DYDC1: variants seen among roughly 807,000 people sequenced by gnomAD.
DYDC1 encodes DPY30 domain containing 1.
DYDC1 carries 21 observed loss-of-function variants against 27.9 expected under a neutral mutation model. The observed-to-expected ratio is 0.75, with a 90% CI of 0.53 to 1.08. DYDC1 has a LOEUF of 1.08. Among genes scored for constraint, DYDC1 ranks in the 50% least tolerant of loss-of-function variants. DYDC1 has a pLI of 0.00. For synonymous variants in DYDC1, 67 were observed against 65.8 expected (o/e 1.02, Z -0.09); for missense variants, 202 against 205.9 (o/e 0.98, Z 0.12).
chr10:80,337,379 G>A, intron 6 of DYDC1: 1 of 985,442 alleles, frequency 1.0e-6, no homozygotes, highest in Non-Finnish European at 1.2e-6. Flanking sequence ...AGTCTGTGCA[G>A]CTCCATTTTC....
rs1183352355 is a variant in DYDC1, at chr10:80,342,658, C to T, written c.250-297G>A. Among the ~76,000 whole-genome samples, 5 of 152,158 alleles carry T rather than the reference C, an allele frequency of 3.3e-5. No individual in the cohort carries two copies. The East Asian group carries it at 9.6e-4, about 29-fold the overall frequency. On this transcript the variant is annotated intron_variant, in intron 3 of 6. Transcript: ENST00000372202. ...TAAGCATAGATGGGTCTTCAAATAG[C>T]CACACACTGGTTGTGGAAGAGTGGG...
intron 3 of DYDC1, among the ~76,000 whole-genome samples, chr10:80,351,215 G>A (rs998814918): frequency 6.6e-6 from 1 of 152,042 alleles, no homozygotes; most frequent in Non-Finnish European, 1.5e-5. Flanking sequence ...TACGCAGAAG[G>A]TGCTTCCACC....
At chr10:80,349,172 TGA>T (rs1426237104) in intron 3 of DYDC1, among the ~76,000 whole-genome samples, 2 of 152,354 alleles carry the variant, frequency 1.3e-5, no homozygotes, top group Admixed American at 6.5e-5. Context: ...ATTACAGGCG[TGA>T]GCCACCGCGC....
rs375735469 is a variant in DYDC1, at chr10:80,352,992, C to A, written c.-9-382G>T. On this transcript the variant is annotated intron_variant, in intron 1 of 6. Coordinates refer to ENST00000372202, the MANE Select transcript of DYDC1 (RefSeq NM_001269053.2). The stretch of plus-strand genomic sequence containing the variant: ...GATGAGCAAGCCCAGGCACAGACAG[C>A]GTAAGTGCACAGTTCAGGATCACAC... 8.6e-5 allele frequency among the ~76,000 whole-genome samples: 13 copies of A among 151,662 alleles called. No homozygotes were observed. The East Asian group carries it at 9.7e-4, about 11-fold the overall frequency.
chr10:80,352,523 C>T lies in DYDC1; in HGVS notation c.79G>A (p.Val27Met), dbSNP rs147367624. The T allele has an allele frequency of 1.7e-4, 272 of 1,613,666 alleles. No homozygotes were observed. Among genetic ancestry groups the T allele is most frequent in the Middle Eastern group, 1.3e-3 (8 of 6,060 alleles). Residue 27 changes from valine (V) to methionine (M), a missense_variant, in exon 2 of 7, where the codon GTG becomes ATG. Transcript: ENST00000372202. ...GLAEVARVRPVDPIEYLALWI... is the reference protein window; with the variant it reads ...GLAEVARVRPMDPIEYLALWI... ...AATGCTAAATATTCTATCGGATCCA[C>T]TGGGCGAACTCTTGCCACTTCTGCA...
intron 4 of DYDC1, among the ~76,000 whole-genome samples, chr10:80,340,385 C>A (rs1213045925): frequency 6.6e-6 from 1 of 152,176 alleles, no homozygotes; most frequent in East Asian, 1.9e-4. Flanking sequence ...GGGAGTGGTA[C>A]TTTGCAGGGG....
At chr10:80,342,186 CCTT>C (rs775850698) in intron 4 of DYDC1, 80 bp downstream of exon 4, 222 of 1,342,810 alleles carry the variant, frequency 1.7e-4, no homozygotes, top group Non-Finnish European at 2.0e-4. Context: ...ATCCCATGGT[CCTT>C]CTGCTAACAG....
At chr10:80,355,941 G>C (rs1204497695) in intron 1 of DYDC1, among the ~76,000 whole-genome samples, 1 of 138,054 alleles carries the variant, frequency 7.2e-6, no homozygotes, top group Admixed American at 7.7e-5. Flanking sequence ...ATACCTGAAA[G>C]ACCAAAACGC....
intron 6 of DYDC1, among the ~76,000 whole-genome samples, chr10:80,336,780 T>C (rs1003179279): frequency 6.6e-6 from 1 of 152,208 alleles, no homozygotes; most frequent in African/African-American, 2.4e-5. Context: ...ATCCTGACCC[T>C]GCCCCGCACT....
At chr10:80,347,575 TAC>T (rs1842746449) in intron 3 of DYDC1, among the ~76,000 whole-genome samples, 1 of 152,206 alleles carries the variant, frequency 6.6e-6, no homozygotes, top group African/African-American at 2.4e-5. Context: ...CCGGGAGTTT[TAC>T]AGTTTCAGGT....
intron 1 of DYDC1, chr10:80,354,506 A>AT (rs71482775): frequency 2.1e-4 from 31 of 151,006 alleles, no homozygotes; most frequent in Non-Finnish European, 4.3e-4. Flanking sequence ...AAAAAAAAAA[A>AT]GAATACCTAT....
At chr10:80,337,668 G>A (rs78882647) in intron 6 of DYDC1, among the ~76,000 whole-genome samples, 2,706 of 152,024 alleles carry the variant, frequency 0.018, 89 homozygotes, top group African/African-American at 0.062. Flanking sequence ...CCCTCTACAC[G>A]CTCTCCTATC....
At chr10:80,342,555 C>T (rs1842370994) in intron 3 of DYDC1, among the ~76,000 whole-genome samples, 194 bp from the exon 4 acceptor site, 1 of 152,190 alleles carries the variant, frequency 6.6e-6, no homozygotes, top group South Asian at 2.1e-4. Flanking sequence ...ATAGAAAGCA[C>T]AATTTGTACA....
At chr10:80,351,162 A>G (rs1842951928) in intron 3 of DYDC1, among the ~76,000 whole-genome samples, 3 of 152,190 alleles carry the variant, frequency 2.0e-5, no homozygotes, top group African/African-American at 7.2e-5. Flanking sequence ...GTTCTTAGCA[A>G]GTGAACATGG....
intron 3 of DYDC1, 86 bp downstream of exon 3, chr10:80,351,814 TG>T: frequency 3.4e-6 from 4 of 1,163,500 alleles, no homozygotes; most frequent in Non-Finnish European, 3.7e-6. Flanking sequence ...TAACTGGAGC[TG>T]GGAAGTTTAT....
At chr10:80,352,080 A>T in intron 2 of DYDC1, 78 bp from the exon 3 acceptor site, 2 of 1,324,112 alleles carry the variant, frequency 1.5e-6, no homozygotes, top group South Asian at 1.2e-5. Context: ...AAAGCACTTA[A>T]TAGGAACAAT....
At chr10:80,344,143 T>C (rs1271515689) in intron 3 of DYDC1, among the ~76,000 whole-genome samples, 3 of 151,958 alleles carry the variant, frequency 2.0e-5, no homozygotes, top group Admixed American at 6.6e-5. Flanking sequence ...AAAAACAGAA[T>C]TATCACAGCA....
At chr10:80,342,492 T>C (rs771530078) in intron 3 of DYDC1, 131 bp from the exon 4 acceptor site, 8 of 693,396 alleles carry the variant, frequency 1.2e-5, no homozygotes, top group Non-Finnish European at 1.5e-5. Context: ...TACAAATGCT[T>C]CCTGAAGCAT....
chr10:80,344,089 C>G (rs1280217645), intron 3 of DYDC1, among the ~76,000 whole-genome samples: 3 of 152,106 alleles, frequency 2.0e-5, no homozygotes, highest in African/African-American at 7.2e-5. Flanking sequence ...GCACTCCAGC[C>G]TGGGTGACAG....
Sources: gnomAD v4.1 joint callset for allele counts (sites outside exome capture counted in the v4.1 genomes callset) on GRCh38, gnomAD v4.1.1 for gene constraint, MANE v1.5 for transcripts, NCBI Gene and HGNC (gene_info 2026-07-23, HGNC 2026-07-21) for gene names.